FGGY: variants seen among roughly 807,000 people sequenced by gnomAD.
The protein encoded by FGGY is FGGY carbohydrate kinase domain-containing protein.
In FGGY, 72 loss-of-function variants were observed where a neutral mutation model predicts 71.3. The ratio of observed to expected loss-of-function variants is 1.01; its 90% confidence interval spans 0.84 to 1.23. The LOEUF (loss-of-function observed/expected upper bound fraction) is 1.23. FGGY is among the 50% of genes most tolerant of loss of function. The pLI is 0.00. For synonymous variants in FGGY, 251 were observed against 250.3 expected (o/e 1.00, Z -0.02); for missense variants, 668 against 682.3 (o/e 0.98, Z 0.23).
At chr1:59,389,503 C>T (rs6662442) in intron 5 of FGGY, among the ~76,000 whole-genome samples, 27,739 of 152,098 alleles carry the variant, frequency 0.18, 3,653 homozygotes, top group African/African-American at 0.37. Flanking sequence ...ACATTTGCAT[C>T]GTTTCTACCT....
At chr1:59,700,716 G>A (rs952199548) in intron 14 of FGGY, among the ~76,000 whole-genome samples, 5 of 152,128 alleles carry the variant, frequency 3.3e-5, no homozygotes, top group African/African-American at 9.7e-5. Context: ...CTAAGAAACA[G>A]CAATCACAAC....
At chr1:59,487,331 A>G (rs957508258) in intron 6 of FGGY, among the ~76,000 whole-genome samples, 1 of 152,084 alleles carries the variant, frequency 6.6e-6, no homozygotes, top group African/African-American at 2.4e-5. Context: ...TCTGCAAACT[A>G]CAGATCTTCA....
Position 59,614,445 on chromosome 1 carries a change from A to G in FGGY, c.1011+6535A>G, listed in dbSNP as rs557261952. Among the ~76,000 whole-genome samples, 4 of 152,306 alleles carry G rather than the reference A, an allele frequency of 2.6e-5. No individual in the cohort carries two copies. In the South Asian group the frequency reaches 6.2e-4, roughly 24 times the overall value. On this transcript the variant is annotated intron_variant, in intron 9 of 15. Transcript: ENST00000303721. ...CAGAAAAGGCCTTTGACAAAATTCAACAACCCCTCATGCTAAAAACTCTCA... is the reference window on the plus strand; with the variant it reads ...CAGAAAAGGCCTTTGACAAAATTCAGCAACCCCTCATGCTAAAAACTCTCA...
Position 59,346,284 on chromosome 1 carries a change from T to G in FGGY, c.351T>G (p.His117Gln). ...GAAACGTCATCATGTGGCTGGACCA[T>G]CGAGCAGTCAGTCAAGTTAACAGGA... ...SHRNVIMWLD[H>Q]RAVSQVNRIN... Residue 117 changes from histidine (H) to glutamine (Q), a missense_variant, in exon 4 of 16, where the codon CAT (histidine) becomes CAG (glutamine). His to Gln is a conservative substitution (Grantham distance 24). Coordinates refer to ENST00000303721, the MANE Select transcript of FGGY (RefSeq NM_018291.5). The G allele has an allele frequency of 6.2e-7, 1 of 1,612,814 alleles. No homozygotes were observed. The highest frequency in any genetic ancestry group is 2.2e-5 in the East Asian group (1 of 44,868).
At chr1:59,325,381 C>CAACAACAACAAA in intron 2 of FGGY, among the ~76,000 whole-genome samples, 1 of 151,738 alleles carries the variant, frequency 6.6e-6, no homozygotes, top group East Asian at 1.9e-4. Context: ...ACAACAACAA[C>CAACAACAACAAA]AACAAAAACA....
intron 5 of FGGY, among the ~76,000 whole-genome samples, chr1:59,427,189 G>A (rs959578806): frequency 2.0e-5 from 3 of 152,194 alleles, no homozygotes; most frequent in Non-Finnish European, 4.4e-5. Flanking sequence ...AAAGACAGCT[G>A]GGAACTCAGG....
intron 5 of FGGY, among the ~76,000 whole-genome samples, chr1:59,440,366 A>T (rs2069528227): frequency 1.3e-5 from 2 of 152,152 alleles, no homozygotes; most frequent in South Asian, 4.1e-4. Context: ...TTTAGCAAGC[A>T]TATTGATTTA....
At chr1:59,696,122 A>C (rs1037144389) in intron 14 of FGGY, among the ~76,000 whole-genome samples, 4 of 152,358 alleles carry the variant, frequency 2.6e-5, no homozygotes, top group Non-Finnish European at 4.4e-5. Context: ...CTGCTGGTTC[A>C]AAATTGGATG....
At chr1:59,559,419 T>C (rs1430707927) in intron 8 of FGGY, among the ~76,000 whole-genome samples, 4 of 152,200 alleles carry the variant, frequency 2.6e-5, no homozygotes, top group African/African-American at 9.6e-5. Flanking sequence ...AACAAACTCA[T>C]ATTTAGTTTA....
At chr1:59,651,574 C>A (rs1414061147) in intron 11 of FGGY, among the ~76,000 whole-genome samples, 1 of 148,168 alleles carries the variant, frequency 6.7e-6, no homozygotes, top group East Asian at 1.9e-4. Flanking sequence ...AGGATTGCAA[C>A]CCCTGCCTTT....
chr1:59,758,044 A>T lies in FGGY; in HGVS notation c.1574+52A>T, dbSNP rs10437073. On this transcript the variant is annotated intron_variant, in intron 15 of 15. Transcript: ENST00000303721. Reference sequence around the variant, plus strand: ...GTGCTAAGGAAGTGAGCACATACACACACACATGCAACTATAGATCTGGAA... The same window carrying T: ...GTGCTAAGGAAGTGAGCACATACACTCACACATGCAACTATAGATCTGGAA... 6,132 of 1,218,872 alleles carry T rather than the reference A, an allele frequency of 5.0e-3. 232 individuals are homozygous for T. The African/African-American group carries it at 0.081, about 16-fold the overall frequency. 75.5% of individuals were successfully genotyped at this position (1,218,872 alleles called of 1,614,324 possible).
chr1:59,494,531 G>A (rs762835004), intron 6 of FGGY, among the ~76,000 whole-genome samples: 1 of 152,180 alleles, frequency 6.6e-6, no homozygotes, highest in African/African-American at 2.4e-5. Flanking sequence ...TGTGAGCCTT[G>A]GAGTAAAGCA....
At chr1:59,414,228 G>T (rs1370408090) in intron 5 of FGGY, among the ~76,000 whole-genome samples, 1 of 152,156 alleles carries the variant, frequency 6.6e-6, no homozygotes, top group Non-Finnish European at 1.5e-5. Flanking sequence ...CCCAGAAAGA[G>T]GACTAAGGGT....
At chr1:59,372,093 A>G (rs980049193) in intron 4 of FGGY, among the ~76,000 whole-genome samples, 1 of 152,232 alleles carries the variant, frequency 6.6e-6, no homozygotes, top group Non-Finnish European at 1.5e-5. Context: ...CGAGACACAA[A>G]AAACCCTTCA....
chr1:59,347,651 A>G (rs1369580285), intron 4 of FGGY, among the ~76,000 whole-genome samples: 2 of 152,112 alleles, frequency 1.3e-5, no homozygotes, highest in African/African-American at 4.8e-5. Context: ...AAATAATGCC[A>G]CATATCTACA....
intron 13 of FGGY, among the ~76,000 whole-genome samples, chr1:59,672,146 G>A (rs767984081): frequency 3.3e-5 from 5 of 152,234 alleles, no homozygotes; most frequent in Non-Finnish European, 7.3e-5. Flanking sequence ...GCTCTCTCCT[G>A]CTGGTGTCAG....
intron 5 of FGGY, among the ~76,000 whole-genome samples, chr1:59,391,375 A>G (rs1189272884): frequency 6.6e-6 from 1 of 152,092 alleles, no homozygotes; most frequent in African/African-American, 2.4e-5. Flanking sequence ...GAGTAGGAGG[A>G]AGTAGGAGGT....
At chr1:59,321,789 C>T in intron 2 of FGGY, 39 bp downstream of exon 2, 2 of 1,573,142 alleles carry the variant, frequency 1.3e-6, no homozygotes, top group Admixed American at 3.6e-5. Flanking sequence ...GTTCATATTC[C>T]TACCTGCTGA....
intron 6 of FGGY, among the ~76,000 whole-genome samples, chr1:59,485,951 C>G (rs2093646019): frequency 6.6e-6 from 1 of 152,148 alleles, no homozygotes; most frequent in Non-Finnish European, 1.5e-5. Flanking sequence ...TGACAACATT[C>G]TAAAAACAAG....
Sources: allele counts gnomAD v4.1 joint callset (sites outside exome capture counted in the v4.1 genomes callset), GRCh38; gene constraint gnomAD v4.1.1; transcripts MANE v1.5; gene names NCBI Gene and HGNC (gene_info 2026-07-23, HGNC 2026-07-21).